RAI14: variants seen among roughly 807,000 people sequenced by gnomAD.
RAI14 encodes retinoic acid induced 14, also known as ankycorbin.
RAI14 carries 45 observed loss-of-function variants against 115.4 expected under a neutral mutation model. The ratio of observed to expected loss-of-function variants is 0.39; its 90% CI spans 0.31 to 0.50. RAI14 has a LOEUF of 0.50. RAI14 is among the 20% of genes least tolerant of loss of function. The pLI, the probability that RAI14 is intolerant of heterozygous loss-of-function variation, is 0.85. For synonymous variants in RAI14, 371 were observed against 415.4 expected (o/e 0.89, Z 1.30); for missense variants, 939 against 1,131.2 (o/e 0.83, Z 2.44).
chr5:34,807,873 C>T lies in RAI14; in HGVS notation c.379+16C>T. On this transcript the variant is annotated intron_variant, in intron 6 of 17. Transcript: ENST00000265109. ...CATTATGCAGGTAACTTTCATTCTC[C>T]TATTTGTCTTCTTCTGCCATTAGAA... The T allele has an allele frequency of 2.5e-6, 4 of 1,600,398 alleles. No individual in the cohort carries two copies. The highest frequency in any genetic ancestry group is 3.4e-6 in the Non-Finnish European group (4 of 1,167,482).
At chr5:34,665,477 T>C (rs1407625210) in intron 1 of RAI14, among the ~76,000 whole-genome samples, 2 of 149,968 alleles carry the variant, frequency 1.3e-5, no homozygotes, top group African/African-American at 4.9e-5. Context: ...GAGTAAAGTG[T>C]TTTCCATTTT....
At chr5:34,660,438 A>G (rs747856164) in intron 1 of RAI14, among the ~76,000 whole-genome samples, 1 of 152,198 alleles carries the variant, frequency 6.6e-6, no homozygotes, top group Non-Finnish European at 1.5e-5. Flanking sequence ...CTCCAACTCA[A>G]AGAGAGAAAG....
At chr5:34,673,044 A>G (rs1397469100) in intron 1 of RAI14, among the ~76,000 whole-genome samples, 2 of 152,210 alleles carry the variant, frequency 1.3e-5, no homozygotes, top group Non-Finnish European at 2.9e-5. Context: ...CCAGACCCCA[A>G]GCACCATTTC....
rs142609965 is a variant in RAI14 at position 34,787,097 on chromosome 5, C to T, written c.168-8842C>T. Among the ~76,000 whole-genome samples, 12 of 152,318 alleles carry T rather than the reference C, an allele frequency of 7.9e-5. No homozygotes were observed. In the East Asian group the frequency reaches 2.3e-3, roughly 29 times the overall value. Reference sequence around the variant, plus strand: ...CCCTGGGTAGGCCAGGTGTTCCTTACCCTCATTCCGGTAAAACCACAGCCT... The same window carrying T: ...CCCTGGGTAGGCCAGGTGTTCCTTATCCTCATTCCGGTAAAACCACAGCCT... On this transcript the variant is annotated intron_variant, in intron 3 of 17. Coordinates refer to ENST00000265109, the MANE Select transcript of RAI14 (RefSeq NM_015577.3).
intron 1 of RAI14, among the ~76,000 whole-genome samples, chr5:34,682,101 C>T (rs1367697365): frequency 1.3e-5 from 2 of 151,964 alleles, no homozygotes; most frequent in African/African-American, 4.8e-5. Context: ...ATGATCCACC[C>T]GCCTCGGCCT....
chr5:34,819,339 A>G (rs1003941625), intron 13 of RAI14, among the ~76,000 whole-genome samples: 4 of 152,170 alleles, frequency 2.6e-5, no homozygotes, highest in Non-Finnish European at 5.9e-5. Context: ...TACCCATTTA[A>G]AAATATCATG....
At chr5:34,818,330 A>T (rs1240753884) in intron 12 of RAI14, among the ~76,000 whole-genome samples, 1 of 152,228 alleles carries the variant, frequency 6.6e-6, no homozygotes, top group Non-Finnish European at 1.5e-5. Context: ...GTTAATAGTA[A>T]CTTTAATAGC....
At chr5:34,718,131 C>T (rs1257692909) in intron 2 of RAI14, among the ~76,000 whole-genome samples, 2 of 152,090 alleles carry the variant, frequency 1.3e-5, no homozygotes, top group Non-Finnish European at 2.9e-5. Context: ...GGCCAGTGCC[C>T]GATGGGAACA....
At chr5:34,715,947 T>C (rs1333096085) in intron 2 of RAI14, 1 of 320,106 alleles carries the variant, frequency 3.1e-6, no homozygotes. Context: ...ATGAGGCTTT[T>C]TTAAAAAAAG....
At chr5:34,814,094 T>C (rs925477593) in intron 11 of RAI14, among the ~76,000 whole-genome samples, 3 of 152,206 alleles carry the variant, frequency 2.0e-5, no homozygotes, top group African/African-American at 4.8e-5. Context: ...TTTAATTGCT[T>C]TTAAGGTTGG....
At chr5:34,766,648 G>A (rs533948421) in intron 3 of RAI14, among the ~76,000 whole-genome samples, 4 of 152,230 alleles carry the variant, frequency 2.6e-5, no homozygotes, top group East Asian at 1.9e-4. Context: ...TCTCAGATGC[G>A]ACTTTGGACT....
In RAI14 at chr5:34,712,866, C is replaced by T. The variant is rs544681486; in HGVS notation, c.36+25911C>T. ...GTTGTGGGGAAGGGGATATGCCATG[C>T]GGTATTATTTTTTAATATTAAAAAT... is the stretch of plus-strand genomic sequence containing the variant. On this transcript the variant is annotated intron_variant, in intron 2 of 17. Transcript: ENST00000265109. Among the ~76,000 whole-genome samples the T allele has an allele frequency of 3.2e-4, 48 of 151,916 alleles. 1 individual carries two copies. The highest frequency in any genetic ancestry group is 9.4e-4 in the African/African-American group (39 of 41,424).
chr5:34,753,828 C>T (rs1363274348), intron 2 of RAI14, among the ~76,000 whole-genome samples: 6 of 151,588 alleles, frequency 4.0e-5, no homozygotes, highest in African/African-American at 9.7e-5. Context: ...GCAGGAAAAT[C>T]GCTTGAACCC....
chr5:34,795,839 A>C, intron 3 of RAI14, 100 bp from the exon 4 acceptor site: 2 of 824,728 alleles, frequency 2.4e-6, no homozygotes, highest in Non-Finnish European at 3.9e-6. Context: ...AAGGAAGAGA[A>C]AGTGTACATG....
chr5:34,746,895 T>C (rs1439661521), intron 2 of RAI14, among the ~76,000 whole-genome samples: 1 of 152,198 alleles, frequency 6.6e-6, no homozygotes, highest in Non-Finnish European at 1.5e-5. Flanking sequence ...GTCTTTCCTG[T>C]GCTATTCTCA....
chr5:34,757,873 C>T (rs180852753), intron 3 of RAI14: 12 of 230,728 alleles, frequency 5.2e-5, no homozygotes, highest in Admixed American at 3.2e-4. Flanking sequence ...ATTCTCTCTT[C>T]GATAAGAAAT....
chr5:34,808,193 G>A (rs917206981), intron 6 of RAI14, among the ~76,000 whole-genome samples: 1 of 152,194 alleles, frequency 6.6e-6, no homozygotes, highest in Non-Finnish European at 1.5e-5. Flanking sequence ...GGATTATTAT[G>A]AACATCAGTC....
At chr5:34,771,978 G>A (rs577258995) in intron 3 of RAI14, among the ~76,000 whole-genome samples, 2 of 152,254 alleles carry the variant, frequency 1.3e-5, no homozygotes, top group South Asian at 2.1e-4. Flanking sequence ...ATAGCTCACT[G>A]CAGCCTCAAC....
rs1034958831 is a variant in RAI14, at chr5:34,827,436, G to A, written c.2799+957G>A. On this transcript the variant is annotated intron_variant, in intron 16 of 17. Coordinates refer to ENST00000265109, the MANE Select transcript of RAI14 (RefSeq NM_015577.3). This position sits in a 1 kb window ranked among gnomAD's most constrained non-coding sequence, Gnocchi z 4.2. ...CACAATATCTGTTAAGGTTTGAGTT[G>A]GCATGGGTACATTCCGTTTTCTACC... is the stretch of plus-strand genomic sequence containing the variant. 3.3e-5 allele frequency among the ~76,000 whole-genome samples: 5 copies of A among 152,188 alleles called. No homozygotes were observed. Among genetic ancestry groups the A allele is most frequent in the Non-Finnish European group, 7.4e-5 (5 of 68,016 alleles).
Sources: gnomAD v4.1 joint callset for allele counts (sites outside exome capture counted in the v4.1 genomes callset) on GRCh38, gnomAD v4.1.1 for gene constraint, Gnocchi (gnomAD v3.1) non-coding constraint, MANE v1.5 for transcripts, NCBI Gene and HGNC (gene_info 2026-07-23, HGNC 2026-07-21) for gene names.